Variants in SPATA22 observed in about 807,000 individuals in gnomAD.
SPATA22 encodes spermatogenesis associated 22.
SPATA22 carries 29 observed loss-of-function variants against 47.8 expected under a neutral mutation model. That is an observed-to-expected ratio of 0.61 (90% CI 0.45 to 0.83). The LOEUF (loss-of-function observed/expected upper bound fraction) is 0.83. Among genes scored for constraint, SPATA22 ranks in the 40% least tolerant of loss-of-function variants. The pLI is 0.00. For missense variants in SPATA22, 410 were observed against 421.7 expected, an observed-to-expected ratio of 0.97 and a Z score of 0.24; for synonymous variants, 133 against 140.9, an observed-to-expected ratio of 0.94 and a Z score of 0.40.
chr17:3,448,295 T>C (rs140422959), intron 6 of SPATA22, among the ~76,000 whole-genome samples: 49 of 152,354 alleles, frequency 3.2e-4, no homozygotes, highest in African/African-American at 1.1e-3. Flanking sequence ...GCTATCTATT[T>C]GTGTAAACAT....
intron 6 of SPATA22, among the ~76,000 whole-genome samples, chr17:3,448,407 G>A (rs2072775844): frequency 6.6e-6 from 1 of 152,152 alleles, no homozygotes; most frequent in Admixed American, 6.5e-5. Flanking sequence ...CTGCAACAGA[G>A]ACAGTACGGC....
At chr17:3,474,164 C>T (rs1024080704), upstream of SPATA22, 3 of 152,024 alleles carry the variant, frequency 2.0e-5, no homozygotes, top group African/African-American at 4.8e-5. Flanking sequence ...ACTCTGTACA[C>T]AAAAAACAAG....
At chr17:3,510,649 T>C (rs1178198650) in intron 1 of SPATA22, 1 of 152,268 alleles carries the variant, frequency 6.6e-6, no homozygotes, top group African/African-American at 2.4e-5. Flanking sequence ...AATGAGAATT[T>C]ACAAGGATCC....
At position 3,448,973 on chromosome 17, in the gene SPATA22, T is replaced by C. The variant is rs1167917486; in HGVS notation, c.506A>G (p.Asn169Ser). Residue 169 changes from asparagine (N) to serine (S), a missense_variant, in exon 6 of 9, where the codon AAC becomes AGC. Asn to Ser is a conservative substitution (Grantham distance 46). Coordinates refer to ENST00000572969, the MANE Select transcript of SPATA22 (RefSeq NM_001170698.2). ...RIPEPPNLSR[N>S]KETELLRQTH... Reference sequence around the variant, plus strand: ...TTGTCTGAGTAGCTCGGTTTCTTTGTTGCGAGATAAGTTAGGAGGTTCAGG... The same window carrying C: ...TTGTCTGAGTAGCTCGGTTTCTTTGCTGCGAGATAAGTTAGGAGGTTCAGG... The C allele has an allele frequency of 6.2e-7, 1 of 1,614,098 alleles. No homozygotes were observed. The highest frequency in any genetic ancestry group is 1.7e-5 in the Admixed American group (1 of 60,012).
At position 3,509,735 on chromosome 17, in the gene SPATA22, C is replaced by T. The variant is rs559801486; in HGVS notation, c.-74+3677G>A. On this transcript the variant is annotated intron_variant, in intron 1 of 8. Transcript: ENST00000541913. ...TTCTGGTTGTGGATCTTTGAGGAAT[C>T]GCCATACTGTCTTCCTCAATTGTTG... Among the ~76,000 whole-genome samples, 159 of 152,280 alleles carry T rather than the reference C, an allele frequency of 1.0e-3. 1 individual carries two copies. Among genetic ancestry groups the T allele is most frequent in the Admixed American group, 2.6e-3 (39 of 15,294 alleles).
Position 3,467,469 on chromosome 17 carries a change from G to A in SPATA22, c.129C>T (p.Ile43=), listed in dbSNP as rs751861077. ...TSNPLKDDSG[I]STPSDNYDFP... Reference sequence around the variant, plus strand: ...AATCATAATTGTCAGAAGGGGTACTGATACCTGAATCATCTTTAAGTGGAT... The same window carrying A: ...AATCATAATTGTCAGAAGGGGTACTAATACCTGAATCATCTTTAAGTGGAT... Residue 43 remains isoleucine, a synonymous_variant, in exon 3 of 9, where the codon ATC becomes ATT. Coordinates refer to ENST00000572969, the MANE Select transcript of SPATA22 (RefSeq NM_001170698.2). The A allele has an allele frequency of 1.9e-6, 3 of 1,608,734 alleles. No individual in the cohort carries two copies. The highest frequency in any genetic ancestry group is 1.7e-5 in the Admixed American group (1 of 59,622).
At chr17:3,454,530 A>G (rs1443215032) in intron 5 of SPATA22, among the ~76,000 whole-genome samples, 4 of 150,594 alleles carry the variant, frequency 2.7e-5, no homozygotes, top group African/African-American at 9.8e-5. Context: ...ATTCCCATCT[A>G]TGAGTGAGAA....
In SPATA22 at chr17:3,440,093, T is replaced by A; in HGVS notation, c.*54A>T. On this transcript the variant is annotated 3_prime_UTR_variant, in exon 9 of 9. Transcript: ENST00000572969. ...CTATAAAACTATGGAGATGGTAAATTAAGCAATAACAGAAAACTGCTATAA... is the reference window on the plus strand; with the variant it reads ...CTATAAAACTATGGAGATGGTAAATAAAGCAATAACAGAAAACTGCTATAA... The A allele has an allele frequency of 8.5e-7, 1 of 1,175,014 alleles. No individual in the cohort carries two copies. The highest frequency in any genetic ancestry group is 1.2e-6 in the Non-Finnish European group (1 of 863,094). 72.8% of individuals were successfully genotyped at this position (1,175,014 alleles called of 1,614,324 possible). A position where few individuals can be genotyped will look rare whatever the true frequency, so the allele number is the denominator to read the frequency against.
chr17:3,465,286 A>G (rs2073272500), intron 3 of SPATA22, among the ~76,000 whole-genome samples: 1 of 151,378 alleles, frequency 6.6e-6, no homozygotes, highest in African/African-American at 2.4e-5. Flanking sequence ...TGTGCCCAAC[A>G]GCTCATTGAG....
chr17:3,489,593 C>A (rs2073787572), intron 1 of SPATA22, among the ~76,000 whole-genome samples: 1 of 152,096 alleles, frequency 6.6e-6, no homozygotes, highest in Non-Finnish European at 1.5e-5. Context: ...TACAAATGCC[C>A]AGTAAACATA....
intron 5 of SPATA22, among the ~76,000 whole-genome samples, chr17:3,456,728 G>A (rs537546929): frequency 5.3e-5 from 8 of 151,746 alleles, no homozygotes; most frequent in Non-Finnish European, 8.8e-5. Context: ...TACCAAAGCC[G>A]GGCAGAGACA....
chr17:3,476,256 C>CA, upstream of SPATA22: 1 of 1,614,162 alleles, frequency 6.2e-7, no homozygotes, highest in Non-Finnish European at 8.5e-7. Context: ...TCTGGTTAAG[C>CA]ATTGGCTAGA....
chr17:3,456,129 T>C (rs1040358538), intron 5 of SPATA22, among the ~76,000 whole-genome samples: 1 of 152,034 alleles, frequency 6.6e-6, no homozygotes, highest in African/African-American at 2.4e-5. Flanking sequence ...TGCTTCACAA[T>C]TAAAAGAACT....
intron 7 of SPATA22, among the ~76,000 whole-genome samples, chr17:3,445,836 A>G (rs2072714850): frequency 6.6e-6 from 1 of 152,096 alleles, no homozygotes; most frequent in African/African-American, 2.4e-5. Context: ...GACAAAAGGA[A>G]AAGGAGGAGG....
At chr17:3,512,636 T>C (rs901893066) in intron 1 of SPATA22, 2 of 152,154 alleles carry the variant, frequency 1.3e-5, no homozygotes. Flanking sequence ...TCTGGTGGTT[T>C]CGGCCCCAGT....
At chr17:3,493,236 C>A (rs993707474) in intron 1 of SPATA22, among the ~76,000 whole-genome samples, 1 of 152,162 alleles carries the variant, frequency 6.6e-6, no homozygotes, top group Non-Finnish European at 1.5e-5. Context: ...GATCTCATTA[C>A]TCAGGAGCTG....
rs771995589 is a variant in SPATA22, at chr17:3,448,934, T to C, written c.545A>G (p.Lys182Arg). The change falls in exon 6 of 9, where the codon AAA (lysine) becomes AGA (arginine). Residue 182 changes from lysine to arginine, a missense_variant. Coordinates refer to ENST00000572969, the MANE Select transcript of SPATA22 (RefSeq NM_001170698.2). ...TELLRQTHSS[K>R]ISGCTMRGLD... ...CCCTCTCATTGTGCAGCCAGATATT[T>C]TTGATGAATGTGTTTGTCTGAGTAG... 2 of 1,614,088 alleles carry C rather than the reference T, an allele frequency of 1.2e-6. No homozygotes were observed. Among genetic ancestry groups the C allele is most frequent in the Non-Finnish European group, 1.7e-6 (2 of 1,179,974 alleles).
upstream of SPATA22, among the ~76,000 whole-genome samples, chr17:3,474,927 C>T (rs530409917): frequency 6.6e-6 from 1 of 152,166 alleles, no homozygotes; most frequent in African/African-American, 2.4e-5. Flanking sequence ...CCCTGCAGAA[C>T]CTTAACTGAG....
Position 3,446,538 on chromosome 17 carries a change from C to T in SPATA22, c.736G>A (p.Val246Ile), listed in dbSNP as rs970582430. 6.2e-5 allele frequency: 100 copies of T among 1,607,778 alleles called. No individual in the cohort carries two copies. The highest frequency in any genetic ancestry group is 1.2e-4 in the Admixed American group (7 of 59,260). The change falls in exon 7 of 9, where the codon GTT (valine) becomes ATT (isoleucine). Residue 246 changes from valine (V) to isoleucine (I), a missense_variant. Physicochemically the swap from Val to Ile is conservative, Grantham distance 29. Coordinates refer to ENST00000572969, the MANE Select transcript of SPATA22 (RefSeq NM_001170698.2). ...CGCCAATACTTCATGCTTTCAATAA[C>T]TGCAGAAATAATTCTTAAAGAACTA... is the stretch of plus-strand genomic sequence containing the variant. ...KASSLRIISA[V>I]IESMKYWREH...
Sources: gnomAD v4.1 joint callset for allele counts (sites outside exome capture counted in the v4.1 genomes callset) on GRCh38, gnomAD v4.1.1 for gene constraint, MANE v1.5 for transcripts, NCBI Gene and HGNC (gene_info 2026-07-23, HGNC 2026-07-21) for gene names.